Variants in STAT4 observed in about 807,000 individuals in gnomAD.
STAT4 encodes the protein signal transducer and activator of transcription 4.
A neutral mutation model predicts 110.5 loss-of-function variants in STAT4; 42 were observed. The ratio of observed to expected loss-of-function variants is 0.38; its 90% confidence interval spans 0.30 to 0.49. STAT4 has a LOEUF of 0.49. Among genes scored for constraint, STAT4 ranks in the 20% least tolerant of loss-of-function variants. STAT4 has a pLI of 0.95. For missense variants in STAT4, 632 were observed against 887.9 expected, an observed-to-expected ratio of 0.71 and a Z score of 3.66; for synonymous variants, 284 against 302.2, an observed-to-expected ratio of 0.94 and a Z score of 0.63.
chr2:191,061,625 TA>T lies in STAT4; in HGVS notation c.1034+103del. 9.1e-7 allele frequency: 1 copy of T among 1,098,534 alleles called. No individual in the cohort carries two copies. Among genetic ancestry groups the T allele is most frequent in the Non-Finnish European group, 1.4e-6 (1 of 715,494 alleles). The allele number at this position is 1,098,534 out of a possible 1,614,324, so 68.0% of individuals were successfully genotyped here. A position where few individuals can be genotyped will look rare whatever the true frequency, so the allele number is the denominator to read the frequency against. ...GCTGGGCACACAGCAGATGGTTCAA[TA>T]AAGAACAGCTGAATGCAAGCCACAA... On this transcript the variant is annotated intron_variant, in intron 10 of 23. Transcript: ENST00000392320. The surrounding 1 kb of genome is among the most constrained non-coding windows in gnomAD (Gnocchi z 6.2).
chr2:191,030,753 G>T lies in STAT4; in HGVS notation c.2220+219C>A. The T allele has an allele frequency of 2.2e-6, 1 of 458,092 alleles. No homozygotes were observed. The highest frequency in any genetic ancestry group is 2.4e-5 in the South Asian group (1 of 42,032). 28.4% of individuals were successfully genotyped at this position (458,092 alleles called of 1,614,324 possible). A position where few individuals can be genotyped will look rare whatever the true frequency, so the allele number is the denominator to read the frequency against. ...TCTGGTGGTTTCTGGTGGAAACAACGTAAAGCAGTTTAAGTAACTGAAGGT... is the reference window on the plus strand; with the variant it reads ...TCTGGTGGTTTCTGGTGGAAACAACTTAAAGCAGTTTAAGTAACTGAAGGT... On this transcript the variant is annotated intron_variant, in intron 23 of 23. Transcript: ENST00000392320. This position sits in a 1 kb window ranked among gnomAD's most constrained non-coding sequence, Gnocchi z 4.4.
rs1424044901 is a variant in STAT4, at chr2:191,050,005, A to G, written c.1251+4485T>C. ...TGAGAACACTGAACCTTGAAAGAACATCTGTTTGGCTATTTTGTTAAATGA... is the reference window on the plus strand; with the variant it reads ...TGAGAACACTGAACCTTGAAAGAACGTCTGTTTGGCTATTTTGTTAAATGA... On this transcript the variant is annotated intron_variant, in intron 14 of 23. Transcript: ENST00000392320. This position sits in a 1 kb window ranked among gnomAD's most constrained non-coding sequence, Gnocchi z 4.3. Among the ~76,000 whole-genome samples the G allele has an allele frequency of 6.6e-6, 1 of 152,192 alleles. No homozygotes were observed. Among genetic ancestry groups the G allele is most frequent in the Non-Finnish European group, 1.5e-5 (1 of 68,032 alleles).
chr2:191,050,067 G>A lies in STAT4; in HGVS notation c.1251+4423C>T, dbSNP rs1031950135. Among the ~76,000 whole-genome samples, 7 of 152,092 alleles carry A rather than the reference G, an allele frequency of 4.6e-5. No homozygotes were observed. The highest frequency in any genetic ancestry group is 1.7e-4 in the African/African-American group (7 of 41,400). ...CCCAGGCTTTACTAATAGCTTCATT[G>A]TGCTTCATGACTTTCCACCACATAA... On this transcript the variant is annotated intron_variant, in intron 14 of 23. Coordinates refer to ENST00000392320, the MANE Select transcript of STAT4 (RefSeq NM_003151.4). This position sits in a 1 kb window ranked among gnomAD's most constrained non-coding sequence, Gnocchi z 4.3.
intron 3 of STAT4, among the ~76,000 whole-genome samples, chr2:191,124,924 T>C (rs1168129302): frequency 6.6e-6 from 1 of 152,236 alleles, no homozygotes; most frequent in Non-Finnish European, 1.5e-5. Context: ...ATGCCTCCAG[T>C]TGCACCACTG....
chr2:191,081,012 C>T (rs541269615), intron 3 of STAT4, among the ~76,000 whole-genome samples: 9 of 152,208 alleles, frequency 5.9e-5, no homozygotes, highest in African/African-American at 1.9e-4. Flanking sequence ...CCCTGACAGG[C>T]CCTGGTGTGT....
rs1699386197 is a variant in STAT4 at position 191,143,464 on chromosome 2, G to A, written c.273+3149C>T. On this transcript the variant is annotated intron_variant, in intron 3 of 23. Coordinates refer to ENST00000392320, the MANE Select transcript of STAT4 (RefSeq NM_003151.4). This position sits in a 1 kb window ranked among gnomAD's most constrained non-coding sequence, Gnocchi z 5.6. ...CTGCCTCCCCTTAAATAGGCCAAGG[G>A]CTGCTGAACGATGGTGTTTATTGCT... is the stretch of plus-strand genomic sequence containing the variant. Among the ~76,000 whole-genome samples the A allele has an allele frequency of 6.6e-6, 1 of 152,124 alleles. No homozygotes were observed. The highest frequency in any genetic ancestry group is 2.4e-5 in the African/African-American group (1 of 41,412).
rs913779987 is a variant in STAT4 at position 191,086,807 on chromosome 2, A to G, written c.274-10482T>C. ...GAACTGCTTTTCTTAAAGCTTCTCA[A>G]ACTGAAGCTAGGCAATTTAAACCTC... is the stretch of plus-strand genomic sequence containing the variant. On this transcript the variant is annotated intron_variant, in intron 3 of 23. Coordinates refer to ENST00000392320, the MANE Select transcript of STAT4 (RefSeq NM_003151.4). This position sits in a 1 kb window ranked among gnomAD's most constrained non-coding sequence, Gnocchi z 5.5. Among the ~76,000 whole-genome samples the G allele has an allele frequency of 6.6e-6, 1 of 152,198 alleles. No homozygotes were observed. Among genetic ancestry groups the G allele is most frequent in the African/African-American group, 2.4e-5 (1 of 41,448 alleles).
Position 191,030,841 on chromosome 2 carries a change from T to C in STAT4, c.2220+131A>G. 2.6e-6 allele frequency: 2 copies of C among 781,752 alleles called. No individual in the cohort carries two copies. The highest frequency in any genetic ancestry group is 4.3e-6 in the Non-Finnish European group (2 of 466,914). The allele number at this position is 781,752 out of a possible 1,614,324, so 48.4% of individuals were successfully genotyped here. ...GACCATCCAGACACCTTTTGTGTTA[T>C]GCTCATGAATTTGTTCCAATAAATG... On this transcript the variant is annotated intron_variant, in intron 23 of 23. Transcript: ENST00000392320. This position sits in a 1 kb window ranked among gnomAD's most constrained non-coding sequence, Gnocchi z 4.4.
At chr2:191,049,044 GA>G (rs1291152778) in intron 14 of STAT4, among the ~76,000 whole-genome samples, 9 of 145,622 alleles carry the variant, frequency 6.2e-5, no homozygotes, top group Middle Eastern at 3.6e-3. Context: ...GCTTCACTTG[GA>G]AAAAAAAAAT....
intron 13 of STAT4, among the ~76,000 whole-genome samples, chr2:191,057,581 C>CTTTTTTTTTTTTTCTTTTTTTTTTTT (rs1696733878): frequency 3.3e-5 from 4 of 121,320 alleles, no homozygotes; most frequent in Admixed American, 8.9e-5. Context: ...AATTTCTTTT[C>CTTTTTTTTTTTTTCTTTTTTTTTTTT]TTTTTTTTTT....
rs878967713 is a variant in STAT4 at position 191,096,733 on chromosome 2, C to T, written c.274-20408G>A. On this transcript the variant is annotated intron_variant, in intron 3 of 23. Coordinates refer to ENST00000392320, the MANE Select transcript of STAT4 (RefSeq NM_003151.4). ...ACGAGACAAGAATGCCCTCTCTCAC[C>T]ACTCCTATTCAACACAGTGTTGGAA... is the stretch of plus-strand genomic sequence containing the variant. Among the ~76,000 whole-genome samples the T allele has an allele frequency of 2.6e-5, 4 of 152,162 alleles. No homozygotes were observed. The South Asian group carries it at 8.3e-4, about 32-fold the overall frequency.
rs1696523604 is a variant in STAT4 at position 191,051,627 on chromosome 2, G to A, written c.1251+2863C>T. On this transcript the variant is annotated intron_variant, in intron 14 of 23. Coordinates refer to ENST00000392320, the MANE Select transcript of STAT4 (RefSeq NM_003151.4). This position sits in a 1 kb window ranked among gnomAD's most constrained non-coding sequence, Gnocchi z 5.6. ...AGCATTATTTTAAATTATGGTGTGA[G>A]ACAGACATGATTTCGGAGCAGGTGG... 1.3e-5 allele frequency among the ~76,000 whole-genome samples: 2 copies of A among 152,246 alleles called. No homozygotes were observed. Among genetic ancestry groups the A allele is most frequent in the African/African-American group, 4.8e-5 (2 of 41,456 alleles).
At chr2:191,084,821 T>G (rs1697590356) in intron 3 of STAT4, among the ~76,000 whole-genome samples, 1 of 151,986 alleles carries the variant, frequency 6.6e-6, no homozygotes, top group South Asian at 2.1e-4. Context: ...CAGGATTTTC[T>G]TGGAGCACTG....
rs530851895 is a variant in STAT4 at position 191,130,958 on chromosome 2, G to A, written c.273+15655C>T. Among the ~76,000 whole-genome samples the A allele has an allele frequency of 1.7e-4, 25 of 150,802 alleles. 2 individuals are homozygous for A. The highest frequency in any genetic ancestry group is 5.9e-4 in the African/African-American group (24 of 40,736). On this transcript the variant is annotated intron_variant, in intron 3 of 23. Transcript: ENST00000392320. The stretch of plus-strand genomic sequence containing the variant: ...AAATTAAATGCATTTATTAAAAAAG[G>A]ATGAAAATTAAGTATCTGAGTAAAG...
At chr2:191,149,922 T>TA (rs887474979) in intron 1 of STAT4, among the ~76,000 whole-genome samples, 5 of 152,244 alleles carry the variant, frequency 3.3e-5, no homozygotes, top group African/African-American at 1.2e-4. Context: ...GAATAAGTTC[T>TA]AGTGCTGTAA....
chr2:191,076,501 G>A (rs911509753), intron 3 of STAT4, among the ~76,000 whole-genome samples, 176 bp from the exon 4 acceptor site: 2 of 152,040 alleles, frequency 1.3e-5, no homozygotes, highest in Non-Finnish European at 2.9e-5. Context: ...TACTGTAAAC[G>A]TAGACCCCTA....
chr2:191,101,317 T>G (rs912413452), intron 3 of STAT4, among the ~76,000 whole-genome samples: 1 of 152,224 alleles, frequency 6.6e-6, no homozygotes, highest in Non-Finnish European at 1.5e-5. Context: ...TAAACACTTA[T>G]GTACACTTTA....
rs1262773992 is a variant in STAT4 at position 191,032,660 on chromosome 2, C to T, written c.2044+298G>A. On this transcript the variant is annotated intron_variant, in intron 21 of 23. Transcript: ENST00000392320. The surrounding 1 kb of genome is among the most constrained non-coding windows in gnomAD (Gnocchi z 4.9). ...AGTCATAGACATGAAGCCTGCACCA[C>T]TTCTGTCTTACAAAGGAGAAAACTG... 1.3e-5 allele frequency among the ~76,000 whole-genome samples: 2 copies of T among 152,196 alleles called. No homozygotes were observed. The highest frequency in any genetic ancestry group is 4.8e-5 in the African/African-American group (2 of 41,436).
At chr2:191,076,441 C>T in intron 3 of STAT4, 116 bp from the exon 4 acceptor site, 2 of 764,892 alleles carry the variant, frequency 2.6e-6, no homozygotes, top group East Asian at 2.6e-5. Flanking sequence ...TGTGAAATTA[C>T]TTGGGATTTG....
Sources: allele counts gnomAD v4.1 joint callset (sites outside exome capture counted in the v4.1 genomes callset), GRCh38; gene constraint gnomAD v4.1.1; non-coding constraint Gnocchi (gnomAD v3.1); transcripts MANE v1.5; gene names NCBI Gene and HGNC (gene_info 2026-07-23, HGNC 2026-07-21).